The following NGEF variants were observed in gnomAD, a reference collection of about 807,000 sequenced individuals.
NGEF encodes the protein neuronal guanine nucleotide exchange factor, also known as ephexin-1.
A neutral mutation model predicts 80.9 loss-of-function variants in NGEF; 31 were observed. The ratio of observed to expected loss-of-function variants is 0.38; its 90% CI spans 0.29 to 0.52. The LOEUF (loss-of-function observed/expected upper bound fraction) is 0.52. Among genes scored for constraint, NGEF ranks in the 20% least tolerant of loss-of-function variants. NGEF has a pLI of 0.84. For missense variants in NGEF, 709 were observed against 926.2 expected (o/e 0.77, Z 3.04); for synonymous variants, 371 against 370.2 (o/e 1.00, Z -0.03).
rs1413177396 is a variant in NGEF, at chr2:232,906,414, CCGGT to C, written c.829-11502_829-11499del. 2.6e-3 allele frequency among the ~76,000 whole-genome samples: 294 copies of C among 111,830 alleles called. 2 individuals carry two copies. Among genetic ancestry groups the C allele is most frequent in the Non-Finnish European group, 3.7e-3 (190 of 51,170 alleles). The allele number at this position is 111,830 out of a possible 152,430, so 73.4% of individuals were successfully genotyped here. On this transcript the variant is annotated intron_variant, in intron 5 of 14. Transcript: ENST00000264051. ...GGAGGTGGGGGGGTCAGCCCCCCGC[CCGGT>C]CAGCCACCCCGTCTGGGAGGTGAGG...
chr2:232,880,175 T>C (rs1236315054), intron 14 of NGEF, among the ~76,000 whole-genome samples: 1 of 152,208 alleles, frequency 6.6e-6, no homozygotes, highest in Non-Finnish European at 1.5e-5. Context: ...CCTGGCCTCC[T>C]GAGGGCTGGT....
At chr2:232,899,854 ACG>A (rs1692235540) in intron 5 of NGEF, among the ~76,000 whole-genome samples, 1 of 136,030 alleles carries the variant, frequency 7.4e-6, no homozygotes, top group African/African-American at 2.8e-5. Context: ...TCACACACAC[ACG>A]CTCTCACAGT....
chr2:232,961,204 C>A (rs1693944849), intron 3 of NGEF, among the ~76,000 whole-genome samples: 2 of 152,192 alleles, frequency 1.3e-5, no homozygotes. Flanking sequence ...TCTGAAGGCT[C>A]TAAATCATTA....
At chr2:232,903,989 T>C (rs1168540582) in intron 5 of NGEF, among the ~76,000 whole-genome samples, 1 of 152,166 alleles carries the variant, frequency 6.6e-6, no homozygotes, top group Non-Finnish European at 1.5e-5. Context: ...AGATGCAGAC[T>C]GAGCTGCATC....
chr2:232,963,945 G>A (rs138102551), intron 3 of NGEF, among the ~76,000 whole-genome samples: 1 of 152,200 alleles, frequency 6.6e-6, no homozygotes, highest in African/African-American at 2.4e-5. Flanking sequence ...AAAATGGTTA[G>A]GCATCTTAAA....
rs185428981 is a variant in NGEF, at chr2:233,009,850, G to A, written c.-75+3218C>T. Among the ~76,000 whole-genome samples, 147 of 152,070 alleles carry A rather than the reference G, an allele frequency of 9.7e-4. 1 individual carries two copies. The highest frequency in any genetic ancestry group is 3.4e-3 in the African/African-American group (143 of 41,492). On this transcript the variant is annotated intron_variant, in intron 1 of 14. Coordinates refer to ENST00000264051, the MANE Select transcript of NGEF (RefSeq NM_019850.3). Reference sequence around the variant, plus strand: ...ATCTCTGTGGACCTCTGGGGTCCTGGCATCTTGGGTTGGGCCATCCCCTCC... The same window carrying A: ...ATCTCTGTGGACCTCTGGGGTCCTGACATCTTGGGTTGGGCCATCCCCTCC...
chr2:232,916,291 T>G (rs1004176615), intron 5 of NGEF, among the ~76,000 whole-genome samples: 1 of 152,146 alleles, frequency 6.6e-6, no homozygotes, highest in African/African-American at 2.4e-5. Context: ...GCCTGAGAGG[T>G]AGGTACTAGG....
intron 1 of NGEF, among the ~76,000 whole-genome samples, chr2:232,998,013 C>T (rs1472929547): frequency 1.3e-5 from 2 of 152,176 alleles, no homozygotes; most frequent in African/African-American, 4.8e-5. Context: ...CCTCTCTGCC[C>T]CATGGTTTCT....
chr2:232,906,037 C>T (rs9749919), intron 5 of NGEF, among the ~76,000 whole-genome samples: 3 of 131,480 alleles, frequency 2.3e-5, no homozygotes, highest in East Asian at 2.4e-4. Context: ...GTCAGCCCCC[C>T]GCCCGGCCAG....
intron 5 of NGEF, among the ~76,000 whole-genome samples, chr2:232,918,019 T>C (rs1003542318): frequency 6.6e-6 from 1 of 152,178 alleles, no homozygotes; most frequent in African/African-American, 2.4e-5. Flanking sequence ...AGTTGCGCGA[T>C]CTTGGCTCAC....
chr2:232,886,902 C>T (rs543452587), intron 9 of NGEF, among the ~76,000 whole-genome samples: 18 of 152,200 alleles, frequency 1.2e-4, no homozygotes, highest in Admixed American at 2.6e-4. Context: ...TCACAGGTCG[C>T]GGATGCCCCC....
At chr2:232,976,395 CCTT>C (rs1279227915) in intron 1 of NGEF, among the ~76,000 whole-genome samples, 1 of 152,174 alleles carries the variant, frequency 6.6e-6, no homozygotes, top group Non-Finnish European at 1.5e-5. Context: ...TTCCCAAACA[CCTT>C]CTTCTACACC....
rs554479349 is a variant in NGEF, at chr2:232,988,550, G to T, written c.-74-13586C>A. Among the ~76,000 whole-genome samples the T allele has an allele frequency of 5.3e-5, 8 of 152,282 alleles. No individual in the cohort carries two copies. The South Asian group carries it at 1.2e-3, about 24-fold the overall frequency. Reference sequence around the variant, plus strand: ...AGTTTACATGGATTCCAGCCCTACGGGACAGTTTGGCAATGCCTATCAAAA... The same window carrying T: ...AGTTTACATGGATTCCAGCCCTACGTGACAGTTTGGCAATGCCTATCAAAA... On this transcript the variant is annotated intron_variant, in intron 1 of 14. Transcript: ENST00000264051.
intron 2 of NGEF, 95 bp from the exon 3 acceptor site, chr2:232,970,423 T>G (rs996112437): frequency 1.2e-6 from 1 of 805,494 alleles, no homozygotes; most frequent in Non-Finnish European, 2.0e-6. Context: ...GCAGTCATGC[T>G]GGAAGGTGGA....
intron 14 of NGEF, 127 bp downstream of exon 14, chr2:232,881,019 A>G (rs2106208034): frequency 1.4e-6 from 1 of 716,822 alleles, no homozygotes. Flanking sequence ...AGAATGTCTC[A>G]GGGAGCAAGA....
chr2:232,934,258 A>AAG (rs1489538929), intron 3 of NGEF, among the ~76,000 whole-genome samples: 4,479 of 149,918 alleles, frequency 0.03, 200 homozygotes, highest in East Asian at 0.22. Flanking sequence ...AAAAAAAAAA[A>AAG]AAAGAAAGAG....
At chr2:232,932,179 T>A (rs1693228822) in intron 3 of NGEF, among the ~76,000 whole-genome samples, 1 of 150,416 alleles carries the variant, frequency 6.6e-6, no homozygotes, top group Non-Finnish European at 1.5e-5. Flanking sequence ...TTTTTTTTTT[T>A]TTTGAGACAG....
Position 232,989,858 on chromosome 2 carries a change from A to G in NGEF, c.-74-14894T>C, listed in dbSNP as rs574192980. ...TTCATAATCATTAGAAAGTCTTAATACAATATAGCACATTTGTAGGTCAGT... is the reference window on the plus strand; with the variant it reads ...TTCATAATCATTAGAAAGTCTTAATGCAATATAGCACATTTGTAGGTCAGT... On this transcript the variant is annotated intron_variant, in intron 1 of 14. Transcript: ENST00000264051. Among the ~76,000 whole-genome samples the G allele has an allele frequency of 4.9e-4, 75 of 152,366 alleles. 1 individual carries two copies. Among genetic ancestry groups the G allele is most frequent in the African/African-American group, 1.8e-3 (73 of 41,588 alleles).
At chr2:232,974,555 A>G (rs1694251792) in intron 2 of NGEF, 68 bp downstream of exon 2, 1 of 1,513,868 alleles carries the variant, frequency 6.6e-7, no homozygotes, top group Admixed American at 2.1e-5. Flanking sequence ...TTTAATGAGG[A>G]CCTTTCAGCA....
Sources: allele counts gnomAD v4.1 joint callset (sites outside exome capture counted in the v4.1 genomes callset), GRCh38; gene constraint gnomAD v4.1.1; transcripts MANE v1.5; gene names NCBI Gene and HGNC (gene_info 2026-07-23, HGNC 2026-07-21).